Variants in TRMT11 observed in about 807,000 individuals in gnomAD.
TRMT11 encodes the protein tRNA methyltransferase 11.
In TRMT11, 53 loss-of-function variants were observed where a neutral mutation model predicts 62.8. That is an observed-to-expected ratio of 0.84 (90% CI 0.68 to 1.06). The LOEUF is 1.06. Ranked by LOEUF, TRMT11 falls within the 50% of genes least tolerant of loss-of-function variation. The pLI is 0.00. For synonymous variants in TRMT11, 188 were observed against 190.3 expected (o/e 0.99, Z 0.10); for missense variants, 556 against 553.4 (o/e 1.00, Z -0.05).
intron 4 of TRMT11, 40 bp downstream of exon 4, chr6:125,998,174 G>T (rs377424685): frequency 6.3e-7 from 1 of 1,595,790 alleles, no homozygotes; most frequent in South Asian, 1.1e-5. Context: ...CATGCGTGCA[G>T]ATTCTGTAGA....
chr6:126,180,388 T>A (rs1778444630), intron 1 of TRMT11, among the ~76,000 whole-genome samples: 1 of 152,206 alleles, frequency 6.6e-6, no homozygotes, highest in Admixed American at 6.5e-5. Context: ...AGTATCACCT[T>A]CATTCATTAC....
At chr6:126,145,900 T>C (rs1777969113) in intron 21 of TRMT11, among the ~76,000 whole-genome samples, 1 of 152,228 alleles carries the variant, frequency 6.6e-6, no homozygotes, top group Non-Finnish European at 1.5e-5. Context: ...AAATCTGATA[T>C]TTTAAAAATA....
At chr6:126,100,364 A>G (rs1269016237) in intron 17 of TRMT11, among the ~76,000 whole-genome samples, 2 of 152,202 alleles carry the variant, frequency 1.3e-5, no homozygotes, top group Non-Finnish European at 2.9e-5. Context: ...CAAATAGCTT[A>G]GGCAGTCTCA....
the TRMT11 span, among the ~76,000 whole-genome samples, chr6:126,256,373 C>T: frequency 1.3e-5 from 2 of 152,206 alleles, no homozygotes; most frequent in Admixed American, 6.5e-5. Flanking sequence ...TCAATGGTCA[C>T]ATCTCTTCCA....
chr6:126,233,435 A>G, the TRMT11 span, among the ~76,000 whole-genome samples: 466 of 152,222 alleles, frequency 3.1e-3, 2 homozygotes, highest in African/African-American at 0.01. Context: ...GCTCACTCCC[A>G]CTTCTGAATT....
the TRMT11 span, among the ~76,000 whole-genome samples, chr6:126,239,400 C>T: frequency 1.3e-5 from 2 of 152,218 alleles, no homozygotes; most frequent in South Asian, 4.1e-4. Context: ...TAGGGCAGGC[C>T]TGGTGGTGAC....
intron 11 of TRMT11, among the ~76,000 whole-genome samples, chr6:126,014,089 T>C (rs1794648157): frequency 6.6e-6 from 1 of 152,184 alleles, no homozygotes; most frequent in African/African-American, 2.4e-5. Context: ...CTATTAAATA[T>C]AAAGCTATAT....
chr6:126,154,241 T>G (rs1778091368), intron 21 of TRMT11, among the ~76,000 whole-genome samples: 1 of 152,208 alleles, frequency 6.6e-6, no homozygotes, highest in African/African-American at 2.4e-5. Flanking sequence ...GAGATTTAAA[T>G]TTTCTTTGAA....
chr6:126,250,451 C>T, the TRMT11 span, among the ~76,000 whole-genome samples: 5 of 152,126 alleles, frequency 3.3e-5, no homozygotes, highest in Non-Finnish European at 5.9e-5. Flanking sequence ...GATTGTAAAA[C>T]AGGGTGTGTC....
At chr6:126,223,480 A>G in the TRMT11 span, among the ~76,000 whole-genome samples, 2 of 152,146 alleles carry the variant, frequency 1.3e-5, no homozygotes, top group Admixed American at 6.5e-5. Flanking sequence ...AAGGCTGAAT[A>G]TAGGCCCCTG....
the TRMT11 span, among the ~76,000 whole-genome samples, chr6:126,245,268 G>A: frequency 1.3e-5 from 2 of 152,292 alleles, no homozygotes; most frequent in South Asian, 4.1e-4. Context: ...ATATAATTGT[G>A]CTGTGTGGAC....
intron 1 of TRMT11, among the ~76,000 whole-genome samples, chr6:126,184,783 CTGT>C (rs1778508063): frequency 6.6e-6 from 1 of 152,180 alleles, no homozygotes; most frequent in South Asian, 2.1e-4. Context: ...ACCTGGCTCT[CTGT>C]TGTTGTCACT....
chr6:126,137,260 G>A (rs192310309), intron 21 of TRMT11, among the ~76,000 whole-genome samples: 5 of 151,640 alleles, frequency 3.3e-5, no homozygotes, highest in Admixed American at 2.6e-4. Context: ...AATAACCAGA[G>A]TATGTAAAGA....
chr6:126,162,826 T>C (rs1778206878), intron 21 of TRMT11, among the ~76,000 whole-genome samples: 1 of 152,220 alleles, frequency 6.6e-6, no homozygotes, highest in East Asian at 1.9e-4. Context: ...TTGTAGCAAT[T>C]GTGAATAGGA....
chr6:126,217,332 A>T, the TRMT11 span, among the ~76,000 whole-genome samples: 1 of 152,080 alleles, frequency 6.6e-6, no homozygotes, highest in African/African-American at 2.4e-5. Context: ...TCAGGTATTT[A>T]TTGTAGTCTT....
At chr6:126,165,379 T>C (rs1227068615) in intron 21 of TRMT11, among the ~76,000 whole-genome samples, 1 of 152,192 alleles carries the variant, frequency 6.6e-6, no homozygotes, top group Admixed American at 6.5e-5. Context: ...ATAGTGTTGA[T>C]GGTCTTTACA....
At chr6:126,063,874 G>A (rs1212715851) in intron 17 of TRMT11, among the ~76,000 whole-genome samples, 1 of 152,218 alleles carries the variant, frequency 6.6e-6, no homozygotes, top group Admixed American at 6.5e-5. Flanking sequence ...TGTGTCATCA[G>A]AGTGGGACTG....
intron 16 of TRMT11, among the ~76,000 whole-genome samples, chr6:126,049,935 CTT>C (rs1776164966): frequency 6.6e-6 from 1 of 152,114 alleles, no homozygotes; most frequent in Non-Finnish European, 1.5e-5. Context: ...ACTAACTAGA[CTT>C]AACTAGAGGG....
intron 17 of TRMT11, among the ~76,000 whole-genome samples, chr6:126,068,154 CCAT>C (rs1270100812): frequency 2.0e-5 from 3 of 151,888 alleles, no homozygotes; most frequent in Non-Finnish European, 4.4e-5. Context: ...ATTGGATTGT[CCAT>C]CATTTTTTAT....
Sources: gnomAD v4.1 joint callset for allele counts (sites outside exome capture counted in the v4.1 genomes callset) on GRCh38, gnomAD v4.1.1 for gene constraint, MANE v1.5 for transcripts, NCBI Gene and HGNC (gene_info 2026-07-23, HGNC 2026-07-21) for gene names.